DCC: variants seen among roughly 807,000 people sequenced by gnomAD.
DCC encodes netrin receptor DCC.
A neutral mutation model predicts 172.5 loss-of-function variants in DCC; 58 were observed. That is an observed-to-expected ratio of 0.34 (90% CI 0.27 to 0.42). The LOEUF (loss-of-function observed/expected upper bound fraction) is 0.42, where lower values mean the gene tolerates loss of function less well. Among genes scored for constraint, DCC ranks in the 10% least tolerant of loss-of-function variants. DCC has a pLI of 1.00. For synonymous variants in DCC, 709 were observed against 644.5 expected (o/e 1.10, Z -1.52); for missense variants, 1,740 against 1,791.0 (o/e 0.97, Z 0.51).
chr18:52,342,296 T>C (rs1983681339), intron 1 of DCC, among the ~76,000 whole-genome samples: 1 of 151,970 alleles, frequency 6.6e-6, no homozygotes, highest in Non-Finnish European at 1.5e-5. Context: ...TGTGTGTGTG[T>C]GTGTGCACGC....
chr18:53,170,836 T>C (rs991639517), intron 8 of DCC, among the ~76,000 whole-genome samples: 3 of 152,164 alleles, frequency 2.0e-5, no homozygotes, highest in Admixed American at 1.3e-4. Context: ...AGTCCTGAAC[T>C]ACTTACTCCA....
chr18:52,913,750 C>G (rs183841540), intron 3 of DCC, among the ~76,000 whole-genome samples: 54 of 152,118 alleles, frequency 3.5e-4, no homozygotes, highest in African/African-American at 1.3e-3. Context: ...TATTTAACAG[C>G]CCTAGGTGGG....
At chr18:52,899,670 T>C (rs1436298749) in intron 2 of DCC, among the ~76,000 whole-genome samples, 1 of 151,986 alleles carries the variant, frequency 6.6e-6, no homozygotes, top group Non-Finnish European at 1.5e-5. Flanking sequence ...AACAACTTTT[T>C]TTTTTTATAG....
chr18:52,899,295 G>A (rs1351012568), intron 2 of DCC, among the ~76,000 whole-genome samples: 1 of 149,060 alleles, frequency 6.7e-6, no homozygotes, highest in Non-Finnish European at 1.5e-5. Flanking sequence ...GACTACAGGT[G>A]TGCACCTCCA....
intron 23 of DCC, among the ~76,000 whole-genome samples, chr18:53,458,545 C>G (rs1288282653): frequency 6.6e-6 from 1 of 152,154 alleles, no homozygotes; most frequent in Non-Finnish European, 1.5e-5. Context: ...ATTATCACCC[C>G]AAAAATAAAT....
chr18:52,995,337 G>A (rs1022053928), intron 5 of DCC, among the ~76,000 whole-genome samples: 4 of 152,026 alleles, frequency 2.6e-5, no homozygotes, highest in Non-Finnish European at 2.9e-5. Context: ...AAGCAAACTC[G>A]GATCTGACTT....
intron 2 of DCC, among the ~76,000 whole-genome samples, chr18:52,856,251 A>C (rs1208535707): frequency 6.6e-6 from 1 of 152,164 alleles, no homozygotes; most frequent in Non-Finnish European, 1.5e-5. Context: ...ATAGATAGAT[A>C]ATTTCATTAT....
intron 5 of DCC, among the ~76,000 whole-genome samples, chr18:53,006,268 G>A (rs1043653666): frequency 2.0e-5 from 3 of 152,148 alleles, no homozygotes; most frequent in Non-Finnish European, 4.4e-5. Context: ...AATGATATGA[G>A]CCATAACTGA....
chr18:52,475,840 C>T (rs956049952), intron 1 of DCC, among the ~76,000 whole-genome samples: 1 of 152,140 alleles, frequency 6.6e-6, no homozygotes, highest in Non-Finnish European at 1.5e-5. Context: ...GCTATTACCC[C>T]AGAAACTCAG....
At chr18:53,391,913 A>G (rs781140358) in intron 17 of DCC, 26 bp downstream of exon 17, 1 of 1,297,470 alleles carries the variant, frequency 7.7e-7, no homozygotes. Flanking sequence ...ATAGCATGAA[A>G]TTTAAAATGA....
rs563875115 is a variant in DCC at position 53,368,457 on chromosome 18, G to A, written c.2360-17586G>A. ...AATTTTATGAAGTCAGAGGCAAATT[G>A]CCTATTTTTCCTTTTGTTACTTACC... On this transcript the variant is annotated intron_variant, in intron 15 of 28. Transcript: ENST00000442544. Among the ~76,000 whole-genome samples the A allele has an allele frequency of 3.8e-5, 5 of 131,796 alleles. 1 individual carries two copies. Among genetic ancestry groups the A allele is most frequent in the Admixed American group, 7.4e-5 (1 of 13,594 alleles). 86.5% of individuals were successfully genotyped at this position (131,796 alleles called of 152,430 possible).
chr18:52,372,033 G>C (rs551249839), intron 1 of DCC, among the ~76,000 whole-genome samples: 2 of 152,188 alleles, frequency 1.3e-5, no homozygotes, highest in Admixed American at 1.3e-4. Context: ...TCACCACATT[G>C]TGAAGAAGGG....
chr18:53,400,587 G>A (rs910680159), intron 18 of DCC, among the ~76,000 whole-genome samples: 23 of 152,144 alleles, frequency 1.5e-4, no homozygotes, highest in African/African-American at 5.3e-4. Flanking sequence ...GAAATTGTGA[G>A]GGCCATATTA....
chr18:53,054,037 T>C (rs2042369729), intron 5 of DCC, among the ~76,000 whole-genome samples: 1 of 152,110 alleles, frequency 6.6e-6, no homozygotes, highest in Non-Finnish European at 1.5e-5. Context: ...CTCCTGCAGA[T>C]ACCATAATCT....
chr18:53,201,273 C>A (rs1021748437), intron 9 of DCC, among the ~76,000 whole-genome samples: 1 of 152,144 alleles, frequency 6.6e-6, no homozygotes, highest in African/African-American at 2.4e-5. Context: ...CAAATCTCTG[C>A]TCCCAGATTG....
At chr18:52,762,092 G>A (rs1226188124) in intron 2 of DCC, among the ~76,000 whole-genome samples, 2 of 152,088 alleles carry the variant, frequency 1.3e-5, no homozygotes, top group Non-Finnish European at 2.9e-5. Context: ...TTTCTGGAGG[G>A]CAGTTAAGCC....
chr18:53,040,649 A>G (rs1035297363), intron 5 of DCC, among the ~76,000 whole-genome samples: 1 of 152,022 alleles, frequency 6.6e-6, no homozygotes, highest in Admixed American at 6.6e-5. Context: ...AGGAATACAC[A>G]TAATTCCTTT....
Position 53,358,900 on chromosome 18 carries a change from T to G in DCC, c.2359+18993T>G, listed in dbSNP as rs574755788. On this transcript the variant is annotated intron_variant, in intron 15 of 28. Transcript: ENST00000442544. ...AAGATTATTTCATGAAAAGAATAAG[T>G]GTGGTCACATAGTTTCTATAAGACC... Among the ~76,000 whole-genome samples, 5 of 152,286 alleles carry G rather than the reference T, an allele frequency of 3.3e-5. 1 individual carries two copies. In the South Asian group the frequency reaches 1.0e-3, roughly 32 times the overall value.
Position 52,356,075 on chromosome 18 carries a change from G to C in DCC, c.91+15197G>C, listed in dbSNP as rs138288482. Among the ~76,000 whole-genome samples the C allele has an allele frequency of 4.9e-3, 744 of 152,288 alleles. 11 individuals are homozygous for C. The highest frequency in any genetic ancestry group is 0.017 in the African/African-American group (715 of 41,556). On this transcript the variant is annotated intron_variant, in intron 1 of 28. Coordinates refer to ENST00000442544, the MANE Select transcript of DCC (RefSeq NM_005215.4). ...CTAGCCTTTTCCCAAGCGAATTTAT[G>C]ATAAGGCTAGGAGAAAAAGGAAGAG...
Sources: gnomAD v4.1 joint callset for allele counts (sites outside exome capture counted in the v4.1 genomes callset) on GRCh38, gnomAD v4.1.1 for gene constraint, MANE v1.5 for transcripts, NCBI Gene and HGNC (gene_info 2026-07-23, HGNC 2026-07-21) for gene names.